The following IL32 variants were observed in gnomAD, a reference collection of about 807,000 sequenced individuals.
IL32 encodes interleukin-32.
IL32 carries 30 observed loss-of-function variants against 16.6 expected under a neutral mutation model. The observed-to-expected ratio is 1.81, with a 90% CI of 1.35 to 2.45. The LOEUF (loss-of-function observed/expected upper bound fraction) is 2.45. IL32 is among the 30% of genes most tolerant of loss of function. The probability of loss-of-function intolerance (pLI) is 0.00; values close to 1 mark genes in which losing one functional copy is unlikely to be tolerated. For synonymous variants in IL32, 70 were observed against 86.1 expected (o/e 0.81, Z 1.03); for missense variants, 234 against 229.8 (o/e 1.02, Z -0.12).
intron 6 of IL32, chr16:3,068,739 C>A: frequency 5.3e-6 from 3 of 565,050 alleles, no homozygotes; most frequent in Non-Finnish European, 9.3e-6. Context: ...TGGCACAGCC[C>A]TCAAGGCACG....
rs1567146898 is a variant in IL32, at chr16:3,068,198, T to TTATTATGAGTCTCCAGACTTC, written c.160_161insTATTATGAGTCTCCAGACTTC (p.Tyr54delinsLeuLeuTer). The TTATTATGAGTCTCCAGACTTC allele has an allele frequency of 4.4e-6, 7 of 1,604,354 alleles. No homozygotes were observed. In the East Asian group the frequency reaches 1.6e-4, roughly 36 times the overall value. ...TCCCCAGGACGACTTCAAAGAGGGC[T>TTATTATGAGTCTCCAGACTTC]ACCTGGAGACAGTGGCGGCTTATTA... is the stretch of plus-strand genomic sequence containing the variant. On this transcript the variant is annotated stop_gained and protein_altering_variant, in exon 6 of 7. Transcript: ENST00000525643. LOFTEE classifies it low-confidence loss of function (END_TRUNC).
At chr16:3,068,765 T>G (rs937070573) in intron 6 of IL32, 1 of 666,152 alleles carries the variant, frequency 1.5e-6, no homozygotes, top group African/African-American at 1.8e-5. Context: ...GGCCCTGACC[T>G]GGTGACCAAG....
intron 2 of IL32, 80 bp from the exon 3 acceptor site, chr16:3,067,297 G>C (rs2151189123): frequency 2.8e-6 from 2 of 705,482 alleles, no homozygotes; most frequent in Non-Finnish European, 4.9e-6. Flanking sequence ...GTGTGTGTGT[G>C]TGTGTGTGTG....
rs1442408492 is a variant in IL32 at position 3,065,645 on chromosome 16, G to A, written c.-71G>A. The A allele has an allele frequency of 2.7e-6, 2 of 746,338 alleles. No homozygotes were observed. Among genetic ancestry groups the A allele is most frequent in the East Asian group, 2.4e-5 (1 of 40,902 alleles). 46.2% of individuals were successfully genotyped at this position (746,338 alleles called of 1,614,324 possible). On this transcript the variant is annotated 5_prime_UTR_variant, in exon 1 of 7. Transcript: ENST00000525643. ...GCTGAGTATTTGTGCCAGGAAGACTGCGTGCAGAAGGTGACTGTCTCAGTG... is the reference window on the plus strand; with the variant it reads ...GCTGAGTATTTGTGCCAGGAAGACTACGTGCAGAAGGTGACTGTCTCAGTG...
At position 3,067,972 on chromosome 16, in the gene IL32, T is replaced by C. The variant is rs1427157726; in HGVS notation, c.115-12T>C. ...GGCTTGGGCCTGGAACCGAGTGCTT[T>C]GTTCCTAACAGGTGATGTCGAGCCT... On this transcript the variant is annotated splice_polypyrimidine_tract_variant and intron_variant, in intron 4 of 6. Coordinates refer to ENST00000525643, the MANE Select transcript of IL32 (RefSeq NM_001376923.1). The C allele has an allele frequency of 6.2e-7, 1 of 1,614,090 alleles. No individual in the cohort carries two copies. The highest frequency in any genetic ancestry group is 1.1e-5 in the South Asian group (1 of 91,088).
In IL32 at chr16:3,069,005, C is replaced by T. The variant is rs755073142; in HGVS notation, c.217C>T (p.Leu73Phe). The T allele has an allele frequency of 3.2e-6, 5 of 1,579,936 alleles. No homozygotes were observed. Among genetic ancestry groups the T allele is most frequent in the East Asian group, 2.2e-5 (1 of 44,646 alleles). ...CATTCCACAGGAGCTCACTCCTCTA[C>T]TTGAAAAAGAAAGAGATGGATTACG... ...EEQHPELTPLLEKERDGLRCR... is the reference protein window; with the variant it reads ...EEQHPELTPLFEKERDGLRCR... Residue 73 changes from leucine (L) to phenylalanine (F), a missense_variant, in exon 7 of 7, where the codon CTT (leucine) becomes TTT (phenylalanine). Leu to Phe is a conservative substitution (Grantham distance 22). Transcript: ENST00000525643.
Position 3,068,164 on chromosome 16 carries a change from G to T in IL32, c.142-16G>T, listed in dbSNP as rs1956636272. ...GGCAGGAGCAGCATGAACCCCCTGT[G>T]CCCTCCTCTCCCCAGGACGACTTCA... On this transcript the variant is annotated splice_polypyrimidine_tract_variant and intron_variant, in intron 5 of 6. Coordinates refer to ENST00000525643, the MANE Select transcript of IL32 (RefSeq NM_001376923.1). 1 of 1,603,880 alleles carries T rather than the reference G, an allele frequency of 6.2e-7. No homozygotes were observed. Among genetic ancestry groups the T allele is most frequent in the African/African-American group, 1.3e-5 (1 of 74,674 alleles).
intron 2 of IL32, among the ~76,000 whole-genome samples, chr16:3,066,996 ACGCAGGCCC>A (rs879742602): frequency 0.041 from 3,373 of 82,418 alleles, 116 homozygotes; most frequent in African/African-American, 0.054. Context: ...ACCTAGGCCC[ACGCAGGCCC>A]TGCTCTTGTG....
Position 3,068,367 on chromosome 16 carries a change from A to G in IL32, c.201+128A>G. On this transcript the variant is annotated intron_variant, in intron 6 of 6. Coordinates refer to ENST00000525643, the MANE Select transcript of IL32 (RefSeq NM_001376923.1). ...GTCGCCCAGGCTGGAGTGCAGTGGC[A>G]TGATCTTGGCTCACTGCAACCTCCA... 4.7e-6 allele frequency: 4 copies of G among 857,190 alleles called. No homozygotes were observed. In the South Asian group the frequency reaches 4.7e-5, roughly 10 times the overall value. The allele number at this position is 857,190 out of a possible 1,614,324, so 53.1% of individuals were successfully genotyped here. A position where few individuals can be genotyped will look rare whatever the true frequency, so the allele number is the denominator to read the frequency against.
chr16:3,067,892 G>C (rs774970235), intron 4 of IL32, 92 bp from the exon 5 acceptor site: 2 of 1,451,198 alleles, frequency 1.4e-6, no homozygotes, highest in Non-Finnish European at 1.9e-6. Flanking sequence ...TTCGGGGTGT[G>C]TGGGAGCTGA....
chr16:3,065,765 A>T lies in IL32; in HGVS notation c.-28-19A>T. The stretch of plus-strand genomic sequence containing the variant: ...CTCTGAGACACTTTCTTTTCCTCAC[A>T]CCTGTTCCTCGCCAGCAGGCCTTGG... On this transcript the variant is annotated intron_variant, in intron 1 of 6. Coordinates refer to ENST00000525643, the MANE Select transcript of IL32 (RefSeq NM_001376923.1). The T allele has an allele frequency of 6.2e-7, 1 of 1,613,366 alleles. No individual in the cohort carries two copies. The highest frequency in any genetic ancestry group is 8.5e-7 in the Non-Finnish European group (1 of 1,179,526).
At chr16:3,067,287 G>GTGTGTGTGTCTC (rs1956473867) in intron 2 of IL32, 90 bp from the exon 3 acceptor site, 7 of 551,690 alleles carry the variant, frequency 1.3e-5, no homozygotes, top group East Asian at 3.1e-5. Context: ...GTGTGTGTGT[G>GTGTGTGTGTCTC]TGTGTGTGTG....
chr16:3,068,427 T>C (rs1956679605), intron 6 of IL32, 188 bp downstream of exon 6: 1 of 604,460 alleles, frequency 1.7e-6, no homozygotes, highest in African/African-American at 1.9e-5. Flanking sequence ...TGCCTCAGCC[T>C]GACAAGTAGT....
chr16:3,065,418 A>C (rs956513417), upstream of IL32: 14 of 279,516 alleles, frequency 5.0e-5, no homozygotes, highest in Middle Eastern at 1.2e-3. Context: ...CTCCCACCCC[A>C]GCTCAGAGGG....
At chr16:3,068,474 T>G (rs146104929) in intron 6 of IL32, 2 of 539,468 alleles carry the variant, frequency 3.7e-6, no homozygotes, top group Non-Finnish European at 6.7e-6. Flanking sequence ...CCAGGCTGAT[T>G]TTTTTTGTGT....
intron 2 of IL32, 102 bp downstream of exon 2, chr16:3,065,928 C>G (rs1448037257): frequency 8.9e-6 from 12 of 1,354,298 alleles, no homozygotes; most frequent in Admixed American, 3.4e-5. Context: ...TGTCAGGGCT[C>G]AGTCAGGGGC....
intron 6 of IL32, 67 bp downstream of exon 6, chr16:3,068,306 C>T: frequency 2.1e-6 from 3 of 1,407,736 alleles, no homozygotes; most frequent in Admixed American, 3.9e-5. Context: ...TTCTTTCTTT[C>T]TTTCTTTTTG....
intron 2 of IL32, among the ~76,000 whole-genome samples, chr16:3,067,063 G>C (rs1171439102): frequency 4.3e-5 from 4 of 92,726 alleles, no homozygotes; most frequent in Non-Finnish European, 9.7e-5. Flanking sequence ...GTGAGGAGGG[G>C]TCACCTAGGC....
intron 6 of IL32, chr16:3,068,787 A>G (rs1956727727): frequency 1.3e-6 from 1 of 792,996 alleles, no homozygotes; most frequent in African/African-American, 1.7e-5. Context: ...AGACACACCC[A>G]TCCTGTCACT....
Sources: allele counts gnomAD v4.1 joint callset (sites outside exome capture counted in the v4.1 genomes callset), GRCh38; gene constraint gnomAD v4.1.1; transcripts MANE v1.5; gene names NCBI Gene and HGNC (gene_info 2026-07-23, HGNC 2026-07-21).